Variants in ARHGAP42 observed in about 807,000 individuals in gnomAD.
The protein encoded by ARHGAP42 is Rho GTPase activating protein 42.
A neutral mutation model predicts 125.0 loss-of-function variants in ARHGAP42; 63 were observed. The ratio of observed to expected loss-of-function variants is 0.50; its 90% confidence interval spans 0.41 to 0.62. The LOEUF is 0.62. Among genes scored for constraint, ARHGAP42 ranks in the 20% least tolerant of loss-of-function variants. The probability of loss-of-function intolerance (pLI) is 0.00; values close to 1 mark genes in which losing one functional copy is unlikely to be tolerated. For synonymous variants in ARHGAP42, 339 were observed against 351.0 expected, an observed-to-expected ratio of 0.97 and a Z score of 0.38; for missense variants, 766 against 1,024.2, an observed-to-expected ratio of 0.75 and a Z score of 3.44.
intron 3 of ARHGAP42, among the ~76,000 whole-genome samples, chr11:100,824,501 T>G (rs895570030): frequency 6.6e-5 from 10 of 152,198 alleles, no homozygotes; most frequent in African/African-American, 2.2e-4. Context: ...CACTAGCTTC[T>G]ACACTGGAGT....
At chr11:100,887,099 CT>C (rs976908297) in intron 4 of ARHGAP42, among the ~76,000 whole-genome samples, 34 of 152,198 alleles carry the variant, frequency 2.2e-4, no homozygotes, top group Middle Eastern at 6.8e-3. Context: ...CCTTTAACTT[CT>C]TTGAGAAGAA....
intron 12 of ARHGAP42, among the ~76,000 whole-genome samples, chr11:100,958,520 T>TACAC (rs5794085): frequency 2.0e-5 from 3 of 151,352 alleles, no homozygotes; most frequent in East Asian, 1.9e-4. Context: ...ACTAAACACA[T>TACAC]ACACACACAC....
At chr11:100,854,358 A>G (rs1057460397) in intron 3 of ARHGAP42, among the ~76,000 whole-genome samples, 3 of 152,176 alleles carry the variant, frequency 2.0e-5, no homozygotes, top group African/African-American at 4.8e-5. Flanking sequence ...ATGAGGTCCA[A>G]TGGGGTGGGA....
intron 4 of ARHGAP42, 108 bp downstream of exon 4, chr11:100,859,733 G>T (rs945745914): frequency 1.1e-6 from 1 of 880,672 alleles, no homozygotes; most frequent in African/African-American, 1.8e-5. Flanking sequence ...AAAAGATTTT[G>T]TACATCATTT....
rs1861098526 is a variant in ARHGAP42, at chr11:100,687,341, G to C, written c.-338G>C. On this transcript the variant is annotated 5_prime_UTR_variant, in exon 1 of 24. Coordinates refer to ENST00000298815, the MANE Select transcript of ARHGAP42 (RefSeq NM_152432.4). ...GGGAGTGGAACTGCCGGAAGTGTCTGCGCGCCGTGAGAGAAACTTTCCTGC... is the reference window on the plus strand; with the variant it reads ...GGGAGTGGAACTGCCGGAAGTGTCTCCGCGCCGTGAGAGAAACTTTCCTGC... Among the ~76,000 whole-genome samples, 1 of 152,090 alleles carries C rather than the reference G, an allele frequency of 6.6e-6. No individual in the cohort carries two copies. Among genetic ancestry groups the C allele is most frequent in the African/African-American group, 2.4e-5 (1 of 41,430 alleles).
chr11:100,863,064 ACAC>A (rs1865483699), intron 4 of ARHGAP42, among the ~76,000 whole-genome samples: 2 of 21,158 alleles, frequency 9.5e-5, no homozygotes, highest in African/African-American at 2.5e-4. Flanking sequence ...CACAAAACAC[ACAC>A]ACACACACAC....
At chr11:100,988,672 C>G (rs1407075221) in intron 23 of ARHGAP42, 41 bp from the exon 24 acceptor site, 2 of 1,461,748 alleles carry the variant, frequency 1.4e-6, no homozygotes, top group Non-Finnish European at 1.9e-6. Context: ...TTATTTGACA[C>G]TAATGTTGAC....
chr11:100,828,837 G>T lies in ARHGAP42; in HGVS notation c.313-30717G>T, dbSNP rs547052101. Among the ~76,000 whole-genome samples the T allele has an allele frequency of 2.0e-5, 3 of 152,034 alleles. No homozygotes were observed. The South Asian group carries it at 6.2e-4, about 32-fold the overall frequency. ...CAAAGTGCTGTGATTACAGGCGGAA[G>T]CCACCATGCTCGGCCTACCTTACCA... is the stretch of plus-strand genomic sequence containing the variant. On this transcript the variant is annotated intron_variant, in intron 3 of 23. Transcript: ENST00000298815.
intron 4 of ARHGAP42, among the ~76,000 whole-genome samples, chr11:100,862,283 A>G (rs1002459539): frequency 6.6e-6 from 1 of 152,202 alleles, no homozygotes; most frequent in Non-Finnish European, 1.5e-5. Flanking sequence ...CAGAGCCTTG[A>G]CTTAACAAGC....
At chr11:100,912,920 C>T (rs1866964484) in intron 4 of ARHGAP42, among the ~76,000 whole-genome samples, 1 of 152,144 alleles carries the variant, frequency 6.6e-6, no homozygotes, top group African/African-American at 2.4e-5. Flanking sequence ...TCTTCTCCTC[C>T]ATGTCAAGAA....
At chr11:100,699,114 C>T (rs761797645) in intron 1 of ARHGAP42, among the ~76,000 whole-genome samples, 3 of 152,060 alleles carry the variant, frequency 2.0e-5, no homozygotes, top group Admixed American at 6.6e-5. Context: ...GGGTTCCAAC[C>T]CTGACCTCAT....
chr11:100,761,729 A>G (rs143316767), intron 1 of ARHGAP42, among the ~76,000 whole-genome samples: 25 of 152,360 alleles, frequency 1.6e-4, no homozygotes, highest in African/African-American at 4.8e-4. Flanking sequence ...TTTAATACCC[A>G]GATTAAATAT....
At chr11:100,878,367 C>A (rs934561159) in intron 4 of ARHGAP42, among the ~76,000 whole-genome samples, 1 of 152,040 alleles carries the variant, frequency 6.6e-6, no homozygotes, top group African/African-American at 2.4e-5. Flanking sequence ...TATATTGATA[C>A]GATTTGGCTG....
chr11:100,880,973 A>T (rs771634902), intron 4 of ARHGAP42, among the ~76,000 whole-genome samples: 8 of 151,474 alleles, frequency 5.3e-5, no homozygotes, highest in Non-Finnish European at 1.0e-4. Context: ...GTTTGACTTC[A>T]TTGTAGATTC....
intron 3 of ARHGAP42, among the ~76,000 whole-genome samples, chr11:100,834,036 G>A (rs556132990): frequency 2.0e-5 from 3 of 152,278 alleles, no homozygotes; most frequent in East Asian, 1.9e-4. Flanking sequence ...TGGTTGACCA[G>A]ATTAGTGACC....
intron 1 of ARHGAP42, among the ~76,000 whole-genome samples, chr11:100,703,452 G>A (rs1263700384): frequency 1.3e-5 from 2 of 151,970 alleles, no homozygotes; most frequent in African/African-American, 4.8e-5. Flanking sequence ...CTTTTTACAA[G>A]ATTTAACTTT....
chr11:100,829,303 C>T (rs934254976), intron 3 of ARHGAP42, among the ~76,000 whole-genome samples: 2 of 150,972 alleles, frequency 1.3e-5, no homozygotes, highest in Admixed American at 6.6e-5. Context: ...GAGGCTGCAG[C>T]GAGCTAGGAT....
chr11:100,834,487 A>G (rs974924694), intron 3 of ARHGAP42, among the ~76,000 whole-genome samples: 1 of 152,176 alleles, frequency 6.6e-6, no homozygotes, highest in Non-Finnish European at 1.5e-5. Flanking sequence ...TGAGACAGCT[A>G]CAGACATCAT....
chr11:100,875,105 CTCTGTGTGTGTGTGTGTGTGTGTG>C (rs1225411332), intron 4 of ARHGAP42, among the ~76,000 whole-genome samples: 3 of 49,236 alleles, frequency 6.1e-5, no homozygotes, highest in Non-Finnish European at 4.7e-5. Flanking sequence ...CTCTCTCTCT[CTCTGTGTGTGTGTGTGTGTGTGTG>C]TGTGTGTGTG....
Sources: gnomAD v4.1 joint callset for allele counts (sites outside exome capture counted in the v4.1 genomes callset) on GRCh38, gnomAD v4.1.1 for gene constraint, MANE v1.5 for transcripts, NCBI Gene and HGNC (gene_info 2026-07-23, HGNC 2026-07-21) for gene names.